The following RNF115 variants were observed in gnomAD, a reference collection of about 807,000 sequenced individuals.
The protein encoded by RNF115 is E3 ubiquitin-protein ligase RNF115.
A neutral mutation model predicts 39.2 loss-of-function variants in RNF115; 31 were observed. The observed-to-expected ratio is 0.79, with a 90% CI of 0.59 to 1.07. The LOEUF is 1.07. Among genes scored for constraint, RNF115 ranks in the 50% least tolerant of loss-of-function variants. The pLI, the probability that RNF115 is intolerant of heterozygous loss-of-function variation, is 0.00. For missense variants in RNF115, 384 were observed against 381.7 expected, an observed-to-expected ratio of 1.01 and a Z score of -0.05; for synonymous variants, 124 against 131.0, an observed-to-expected ratio of 0.95 and a Z score of 0.37.
chr1:145,796,260 C>CT (rs1266413469), intron 1 of RNF115, among the ~76,000 whole-genome samples: 1 of 152,184 alleles, frequency 6.6e-6, no homozygotes, highest in Admixed American at 6.5e-5. Context: ...CTCAAAAACT[C>CT]TATCAATTGC....
chr1:145,748,455 A>G (rs1041792709), intron 7 of RNF115, among the ~76,000 whole-genome samples: 15 of 152,134 alleles, frequency 9.9e-5, no homozygotes, highest in Admixed American at 9.8e-4. Flanking sequence ...CATCTTCCCA[A>G]TGTGTGACAG....
chr1:145,752,461 G>A (rs1374393914), intron 5 of RNF115, among the ~76,000 whole-genome samples: 1 of 151,630 alleles, frequency 6.6e-6, no homozygotes, highest in Non-Finnish European at 1.5e-5. Context: ...ACATCCTGGG[G>A]GACCAGGACG....
At chr1:145,795,332 A>C (rs1559124974) in intron 1 of RNF115, among the ~76,000 whole-genome samples, 1 of 152,046 alleles carries the variant, frequency 6.6e-6, no homozygotes, top group African/African-American at 2.4e-5. Flanking sequence ...GCCAAGAACA[A>C]AGCTTCCACA....
chr1:145,796,780 G>A (rs1649005729), intron 1 of RNF115, among the ~76,000 whole-genome samples: 2 of 152,148 alleles, frequency 1.3e-5, no homozygotes, highest in Non-Finnish European at 2.9e-5. Context: ...TTGCAAAACT[G>A]AAACTCTATA....
At chr1:145,754,801 CT>C (rs1470033967) in intron 4 of RNF115, among the ~76,000 whole-genome samples, 1 of 151,964 alleles carries the variant, frequency 6.6e-6, no homozygotes, top group Non-Finnish European at 1.5e-5. Context: ...ATTGTGTTTT[CT>C]TTTTTTTAGA....
At chr1:145,764,708 T>TGG (rs1158529115) in intron 4 of RNF115, among the ~76,000 whole-genome samples, 1 of 145,348 alleles carries the variant, frequency 6.9e-6, no homozygotes, top group African/African-American at 2.6e-5. Context: ...GGGAGGGAGG[T>TGG]GGGGGGTCAG....
chr1:145,774,324 GA>G (rs1358237465), intron 3 of RNF115, among the ~76,000 whole-genome samples: 1 of 147,496 alleles, frequency 6.8e-6, no homozygotes, highest in African/African-American at 2.5e-5. Flanking sequence ...TGGTGTTTTA[GA>G]AATCCAGACA....
intron 4 of RNF115, among the ~76,000 whole-genome samples, chr1:145,755,141 A>G (rs1260013984): frequency 6.6e-6 from 1 of 151,758 alleles, no homozygotes; most frequent in Non-Finnish European, 1.5e-5. Context: ...ACTCAGGAGG[A>G]TAAGGCAGGA....
chr1:145,747,233 A>C (rs1404929137), intron 8 of RNF115, among the ~76,000 whole-genome samples: 1 of 152,216 alleles, frequency 6.6e-6, no homozygotes, highest in Non-Finnish European at 1.5e-5. Context: ...CAAGTTAATA[A>C]CAGCTAATAC....
At position 145,771,716 on chromosome 1, in the gene RNF115, A is replaced by G; in HGVS notation, c.423T>C (p.Ile141=). ...GSSRPDRSPA[I]EGILQHIFAG... The stretch of plus-strand genomic sequence containing the variant: ...CTTAAAATAAAACAACTCACCCTTC[A>G]ATAGCTGGAGATCTGTCAGGACGAG... The change falls in exon 4 of 9, where the codon ATT becomes ATC. Residue 141 remains isoleucine, a synonymous_variant. Transcript: ENST00000582693. The G allele has an allele frequency of 1.2e-6, 2 of 1,613,338 alleles. No individual in the cohort carries two copies. Among genetic ancestry groups the G allele is most frequent in the East Asian group, 4.5e-5 (2 of 44,884 alleles).
intron 4 of RNF115, among the ~76,000 whole-genome samples, chr1:145,754,379 A>C (rs917797748): frequency 3.3e-5 from 5 of 151,784 alleles, no homozygotes; most frequent in African/African-American, 9.7e-5. Context: ...TTTGAGATGA[A>C]GTCTTGCTCT....
chr1:145,784,698 A>T, intron 2 of RNF115, 102 bp from the exon 3 acceptor site: 3 of 926,588 alleles, frequency 3.2e-6, no homozygotes, highest in Non-Finnish European at 5.2e-6. Context: ...CCCAATAAGG[A>T]AAAATAACTC....
At chr1:145,785,386 T>C (rs1553717979) in intron 2 of RNF115, among the ~76,000 whole-genome samples, 1 of 152,192 alleles carries the variant, frequency 6.6e-6, no homozygotes, top group Non-Finnish European at 1.5e-5. Context: ...GTCAATATCC[T>C]ATATTGACAC....
intron 4 of RNF115, among the ~76,000 whole-genome samples, chr1:145,760,739 T>C (rs1553713719): frequency 1.3e-5 from 2 of 152,068 alleles, no homozygotes; most frequent in African/African-American, 4.8e-5. Context: ...ATATAGTAAA[T>C]TGGTGCCAGG....
intron 4 of RNF115, among the ~76,000 whole-genome samples, chr1:145,761,541 C>T (rs1553713842): frequency 6.6e-6 from 1 of 152,232 alleles, no homozygotes; most frequent in African/African-American, 2.4e-5. Flanking sequence ...CCATGTGGTG[C>T]TGAGCCTGCG....
intron 1 of RNF115, among the ~76,000 whole-genome samples, chr1:145,815,978 A>G (rs1649973461): frequency 7.1e-6 from 1 of 140,666 alleles, no homozygotes; most frequent in Non-Finnish European, 1.5e-5. Flanking sequence ...CAATGCCACT[A>G]AATATGTTTT....
chr1:145,751,596 G>C, intron 5 of RNF115, 86 bp from the exon 6 acceptor site: 2 of 823,288 alleles, frequency 2.4e-6, no homozygotes, highest in Non-Finnish European at 3.9e-6. Context: ...GAGGGATCCT[G>C]TTCTCTCTCA....
intron 4 of RNF115, among the ~76,000 whole-genome samples, chr1:145,764,845 G>A (rs1658699696): frequency 6.6e-6 from 1 of 151,756 alleles, no homozygotes; most frequent in African/African-American, 2.4e-5. Flanking sequence ...CGGGAGGTGG[G>A]GGGTGCCTCT....
intron 1 of RNF115, among the ~76,000 whole-genome samples, chr1:145,820,514 C>A (rs1650187565): frequency 6.6e-6 from 1 of 151,190 alleles, no homozygotes; most frequent in African/African-American, 2.4e-5. Flanking sequence ...CCAAGGTGGG[C>A]ATATCACAAG....
Sources: gnomAD v4.1 joint callset for allele counts (sites outside exome capture counted in the v4.1 genomes callset) on GRCh38, gnomAD v4.1.1 for gene constraint, MANE v1.5 for transcripts, NCBI Gene and HGNC (gene_info 2026-07-23, HGNC 2026-07-21) for gene names.